Variants in STK32B observed in about 807,000 individuals in gnomAD.
The protein encoded by STK32B is serine/threonine-protein kinase 32B.
Under a neutral mutation model 52.6 loss-of-function variants are expected in STK32B, and 43 were observed. The ratio of observed to expected loss-of-function variants is 0.82; its 90% confidence interval spans 0.64 to 1.05. The LOEUF is 1.05. Ranked by LOEUF, STK32B falls within the 50% of genes least tolerant of loss-of-function variation. The pLI is 0.00. For missense variants in STK32B, 621 were observed against 534.6 expected (o/e 1.16, Z -1.59); for synonymous variants, 238 against 204.3 (o/e 1.17, Z -1.41).
intron 4 of STK32B, among the ~76,000 whole-genome samples, chr4:5,341,618 C>G: frequency 6.6e-6 from 1 of 152,198 alleles, no homozygotes; most frequent in Middle Eastern, 3.4e-3. Flanking sequence ...GTTCTTGCAT[C>G]GCTGTAAAGA....
At chr4:5,479,632 G>A (rs1233399694) in intron 11 of STK32B, among the ~76,000 whole-genome samples, 2 of 152,216 alleles carry the variant, frequency 1.3e-5, no homozygotes, top group African/African-American at 2.4e-5. Flanking sequence ...GCTGCCTTGG[G>A]AGGTGGCAGC....
intron 4 of STK32B, among the ~76,000 whole-genome samples, chr4:5,356,533 G>A (rs1310109052): frequency 6.6e-6 from 1 of 152,118 alleles, no homozygotes; most frequent in Non-Finnish European, 1.5e-5. Context: ...AGAGCTGGGT[G>A]GACCCCTCTT....
chr4:5,187,486 ATTAAG>A (rs1189972146), intron 3 of STK32B, among the ~76,000 whole-genome samples: 4 of 152,264 alleles, frequency 2.6e-5, no homozygotes, highest in East Asian at 3.9e-4. Flanking sequence ...AGACTAGTGG[ATTAAG>A]TTATTTGTGC....
At chr4:5,243,214 G>A (rs1725171897) in intron 3 of STK32B, among the ~76,000 whole-genome samples, 1 of 152,162 alleles carries the variant, frequency 6.6e-6, no homozygotes. Flanking sequence ...CCATGAGCAT[G>A]GAATGTTCTT....
At chr4:5,496,438 A>T (rs555388601) in intron 11 of STK32B, among the ~76,000 whole-genome samples, 1 of 152,172 alleles carries the variant, frequency 6.6e-6, no homozygotes, top group Non-Finnish European at 1.5e-5. Context: ...AAAGCGCAGT[A>T]TTGGGGTGGG....
chr4:5,159,576 A>AATATATATGC lies in STK32B; in HGVS notation c.109-8715_109-8714insGCATATATAT, dbSNP rs1560185791. ...GAATATATATGAATGAATATATATG[A>AATATATATGC]ATATATATATGAATATATATGAATA... On this transcript the variant is annotated intron_variant, in intron 2 of 11. Coordinates refer to ENST00000282908, the MANE Select transcript of STK32B (RefSeq NM_018401.3). 5.2e-5 allele frequency among the ~76,000 whole-genome samples: 3 copies of AATATATATGC among 57,918 alleles called. 1 individual carries two copies. The highest frequency in any genetic ancestry group is 2.1e-4 in the African/African-American group (2 of 9,650). The allele number at this position is 57,918 out of a possible 152,430, so 38.0% of individuals were successfully genotyped here.
intron 3 of STK32B, among the ~76,000 whole-genome samples, chr4:5,297,641 T>G (rs965564412): frequency 6.6e-5 from 10 of 150,882 alleles, no homozygotes; most frequent in African/African-American, 1.2e-4. Flanking sequence ...TTATGTTTTT[T>G]TTTTTTTTTT....
intron 9 of STK32B, among the ~76,000 whole-genome samples, chr4:5,462,184 T>C (rs996172912): frequency 6.6e-6 from 1 of 151,932 alleles, no homozygotes; most frequent in Non-Finnish European, 1.5e-5. Flanking sequence ...TCTGTATGTC[T>C]GTGTGCATGC....
intron 5 of STK32B, 138 bp from the exon 6 acceptor site, chr4:5,416,707 A>G: frequency 1.7e-6 from 1 of 594,176 alleles, no homozygotes; most frequent in East Asian, 2.9e-5. Flanking sequence ...AAACATTTTT[A>G]AAGTATCAGA....
rs149336076 is a variant in STK32B at position 5,276,577 on chromosome 4, A to AC, written c.261-54641dup. 4.7e-3 allele frequency among the ~76,000 whole-genome samples: 712 copies of AC among 152,236 alleles called. 5 individuals carry two copies. Among genetic ancestry groups the AC allele is most frequent in the Non-Finnish European group, 7.9e-3 (536 of 68,024 alleles). ...TTGCAGATTCTTTGCTGAGAAGAAAACCAAAGGACTGAAAACACAAGCAGA... is the reference window on the plus strand; with the variant it reads ...TTGCAGATTCTTTGCTGAGAAGAAAACCCAAAGGACTGAAAACACAAGCAGA... On this transcript the variant is annotated intron_variant, in intron 3 of 11. Coordinates refer to ENST00000282908, the MANE Select transcript of STK32B (RefSeq NM_018401.3).
At chr4:5,060,458 A>G (rs1020464818) in intron 1 of STK32B, among the ~76,000 whole-genome samples, 1 of 152,076 alleles carries the variant, frequency 6.6e-6, no homozygotes, top group Non-Finnish European at 1.5e-5. Context: ...TTTAAAAATA[A>G]CTTTTGCTTT....
At chr4:5,120,590 G>A (rs368485409) in intron 1 of STK32B, among the ~76,000 whole-genome samples, 3 of 152,264 alleles carry the variant, frequency 2.0e-5, no homozygotes, top group South Asian at 2.1e-4. Flanking sequence ...CATCCAGTGG[G>A]AATCTTGGAA....
At chr4:5,358,385 G>A (rs958537703) in intron 4 of STK32B, among the ~76,000 whole-genome samples, 7 of 152,114 alleles carry the variant, frequency 4.6e-5, no homozygotes, top group African/African-American at 9.7e-5. Context: ...TCAGTAAATC[G>A]GGTCAGCATT....
chr4:5,109,415 A>G (rs1009950760), intron 1 of STK32B, among the ~76,000 whole-genome samples: 1 of 152,244 alleles, frequency 6.6e-6, no homozygotes, highest in African/African-American at 2.4e-5. Flanking sequence ...AATACATAAA[A>G]ATTAGCAAAT....
chr4:5,498,985 A>G lies in STK32B; in HGVS notation c.1147A>G (p.Thr383Ala). ...QQGQGSQLLD[T>A]DSRGGGQAQS... is the part of the protein sequence containing the mutation. ...GGGACAGGGCAGCCAGCTCTTGGAC[A>G]CCGACAGCCGAGGGGGAGGCCAGGC... Residue 383 changes from threonine (T) to alanine (A), a missense_variant, in exon 12 of 12, where the codon ACC (threonine) becomes GCC (alanine). Transcript: ENST00000282908. 6.2e-7 allele frequency: 1 copy of G among 1,613,840 alleles called. No individual in the cohort carries two copies. Among genetic ancestry groups the G allele is most frequent in the Middle Eastern group, 1.7e-4 (1 of 6,060 alleles).
intron 1 of STK32B, among the ~76,000 whole-genome samples, chr4:5,108,936 A>G (rs1328787112): frequency 6.6e-6 from 1 of 152,220 alleles, no homozygotes; most frequent in Non-Finnish European, 1.5e-5. Context: ...TGGAAACCTG[A>G]AATGGCAATT....
intron 3 of STK32B, among the ~76,000 whole-genome samples, chr4:5,313,452 G>T (rs1483089545): frequency 6.7e-6 from 1 of 149,720 alleles, no homozygotes; most frequent in East Asian, 2.0e-4. Flanking sequence ...TGGGCACAAG[G>T]TAAGGATTTT....
chr4:5,270,651 A>G (rs1004872987), intron 3 of STK32B, among the ~76,000 whole-genome samples: 2 of 152,212 alleles, frequency 1.3e-5, no homozygotes, highest in Non-Finnish European at 2.9e-5. Context: ...TCTGGAACAA[A>G]TATCCACTCT....
At chr4:5,315,198 A>G (rs537815167) in intron 3 of STK32B, among the ~76,000 whole-genome samples, 1 of 152,320 alleles carries the variant, frequency 6.6e-6, no homozygotes, top group African/African-American at 2.4e-5. Flanking sequence ...AGGACATACA[A>G]ATAAACACAT....
Sources: gnomAD v4.1 joint callset for allele counts (sites outside exome capture counted in the v4.1 genomes callset) on GRCh38, gnomAD v4.1.1 for gene constraint, MANE v1.5 for transcripts, NCBI Gene and HGNC (gene_info 2026-07-23, HGNC 2026-07-21) for gene names.